Variants in CCSAP observed in about 807,000 individuals in gnomAD.
CCSAP encodes centriole, cilia and spindle-associated protein.
A neutral mutation model predicts 25.9 loss-of-function variants in CCSAP; 17 were observed. The ratio of observed to expected loss-of-function variants is 0.66; its 90% CI spans 0.45 to 0.99. The LOEUF (loss-of-function observed/expected upper bound fraction) is 0.99, where lower values mean the gene tolerates loss of function less well. CCSAP is among the 50% of genes least tolerant of loss of function. CCSAP has a pLI of 0.00. For synonymous variants in CCSAP, 169 were observed against 157.1 expected (o/e 1.08, Z -0.57); for missense variants, 339 against 367.8 (o/e 0.92, Z 0.64).
Position 229,342,581 on chromosome 1 carries a change from T to G in CCSAP, c.-48-68A>C, listed in dbSNP as rs1658366133. 1 of 661,268 alleles carries G rather than the reference T, an allele frequency of 1.5e-6. No homozygotes were observed. 41.0% of individuals were successfully genotyped at this position (661,268 alleles called of 1,614,324 possible). ...CGCCGGCCCTGCCCGCCGCGACGTTTAAACCCGGAGCCCCGCCCGGACGGG... is the reference window on the plus strand; with the variant it reads ...CGCCGGCCCTGCCCGCCGCGACGTTGAAACCCGGAGCCCCGCCCGGACGGG... On this transcript the variant is annotated intron_variant, in intron 1 of 3. Transcript: ENST00000284617. This position sits in a 1 kb window ranked among gnomAD's most constrained non-coding sequence, Gnocchi z 7.5.
intron 2 of CCSAP, among the ~76,000 whole-genome samples, chr1:229,339,215 T>C (rs1395714311): frequency 6.6e-6 from 1 of 150,978 alleles, no homozygotes; most frequent in Non-Finnish European, 1.5e-5. Context: ...CAGATCTAGA[T>C]CAAGGAAAAA....
Position 229,322,597 on chromosome 1 carries a change from G to A in CCSAP, c.*2638C>T, listed in dbSNP as rs1480529565. ...TGAATAAATGTGCTTAGAAATTTTA[G>A]GGGGGAGAACACACATAACATACAT... is the stretch of plus-strand genomic sequence containing the variant. On this transcript the variant is annotated 3_prime_UTR_variant, in exon 4 of 4. Coordinates refer to ENST00000284617, the MANE Select transcript of CCSAP (RefSeq NM_145257.5). The A allele has an allele frequency of 6.6e-6, 1 of 152,026 alleles. No individual in the cohort carries two copies. Among genetic ancestry groups the A allele is most frequent in the East Asian group, 1.9e-4 (1 of 5,196 alleles). 9.4% of individuals were successfully genotyped at this position (152,026 alleles called of 1,614,324 possible).
chr1:229,325,260 A>T lies in CCSAP; in HGVS notation c.788T>A (p.Met263Lys). 1 of 1,613,220 alleles carries T rather than the reference A, an allele frequency of 6.2e-7. No individual in the cohort carries two copies. Among genetic ancestry groups the T allele is most frequent in the Non-Finnish European group, 8.5e-7 (1 of 1,179,806 alleles). ...SSENPWMTEYMRCYSARA is the reference protein window; with the variant it reads ...SSENPWMTEYKRCYSARA ...TTAAGCTCTTGCCGAATAGCACCTCATGTATTCTGTCATCCACGGGTTCTC... is the reference window on the plus strand; with the variant it reads ...TTAAGCTCTTGCCGAATAGCACCTCTTGTATTCTGTCATCCACGGGTTCTC... Residue 263 changes from methionine to lysine, a missense_variant, in exon 4 of 4, where the codon ATG (methionine) becomes AAG (lysine). Met to Lys is a moderately conservative substitution (Grantham distance 95). Transcript: ENST00000284617.
Position 229,342,031 on chromosome 1 carries a change from G to T in CCSAP, c.367+68C>A. Reference sequence around the variant, plus strand: ...GAGTGGCGCAAGAAATAAGAGATCAGCTGCTCAGAGCTTAGAGCAAACCGT... The same window carrying T: ...GAGTGGCGCAAGAAATAAGAGATCATCTGCTCAGAGCTTAGAGCAAACCGT... On this transcript the variant is annotated intron_variant, in intron 2 of 3. Transcript: ENST00000284617. This position sits in a 1 kb window ranked among gnomAD's most constrained non-coding sequence, Gnocchi z 7.5. 7.9e-7 allele frequency: 1 copy of T among 1,271,828 alleles called. No individual in the cohort carries two copies. The highest frequency in any genetic ancestry group is 9.9e-7 in the Non-Finnish European group (1 of 1,008,918). 78.8% of individuals were successfully genotyped at this position (1,271,828 alleles called of 1,614,324 possible).
chr1:229,333,292 G>T (rs1402483416), intron 2 of CCSAP, among the ~76,000 whole-genome samples: 1 of 152,064 alleles, frequency 6.6e-6, no homozygotes, highest in Non-Finnish European at 1.5e-5. Context: ...AATTAGCCGG[G>T]CGTGGTGTCA....
At chr1:229,338,236 C>G (rs1411178383) in intron 2 of CCSAP, among the ~76,000 whole-genome samples, 3 of 151,970 alleles carry the variant, frequency 2.0e-5, no homozygotes, top group Non-Finnish European at 4.4e-5. Context: ...TGTTCACAAT[C>G]AAAAAGCCAA....
intron 2 of CCSAP, among the ~76,000 whole-genome samples, chr1:229,341,698 TG>T (rs1381569466): frequency 6.6e-6 from 1 of 152,210 alleles, no homozygotes; most frequent in African/African-American, 2.4e-5. Flanking sequence ...CTTAACCTTT[TG>T]GGTTACCTTT....
At chr1:229,327,439 G>A (rs1394933753) in intron 2 of CCSAP, 4 of 434,836 alleles carry the variant, frequency 9.2e-6, no homozygotes, top group Non-Finnish European at 1.9e-5. Flanking sequence ...TACTCCACCC[G>A]AAAATGCTCC....
chr1:229,338,503 C>A (rs1400941620), intron 2 of CCSAP, among the ~76,000 whole-genome samples: 2 of 151,212 alleles, frequency 1.3e-5, no homozygotes, highest in Non-Finnish European at 2.9e-5. Flanking sequence ...GGAAAAGAAT[C>A]TCACGGTTCA....
In CCSAP at chr1:229,325,299, T is replaced by G; in HGVS notation, c.749A>C (p.Lys250Thr). Residue 250 changes from lysine (K) to threonine (T), a missense_variant, in exon 4 of 4, where the codon AAG becomes ACG. Physicochemically the swap from Lys to Thr is moderately conservative, Grantham distance 78 (BLOSUM62 -1). Transcript: ENST00000284617. ...CCACGGGTTCTCTGAGGAGGAAGCC[T>G]TCATCTTTCTGTTCTTCTCCACATC... is the stretch of plus-strand genomic sequence containing the variant. ...SVDVEKNRKM[K>T]ASSSENPWMT... 1 of 1,614,186 alleles carries G rather than the reference T, an allele frequency of 6.2e-7. No individual in the cohort carries two copies. The highest frequency in any genetic ancestry group is 1.1e-5 in the South Asian group (1 of 91,078).
rs150533060 is a variant in CCSAP, at chr1:229,332,262, A to C, written c.368-5256T>G. On this transcript the variant is annotated intron_variant, in intron 2 of 3. Transcript: ENST00000284617. Reference sequence around the variant, plus strand: ...TGGGAACCCCAGTTTGAAGTTGGTCAGCCAGAAGTTCCCAAGGCCTCGACT... The same window carrying C: ...TGGGAACCCCAGTTTGAAGTTGGTCCGCCAGAAGTTCCCAAGGCCTCGACT... Among the ~76,000 whole-genome samples the C allele has an allele frequency of 6.0e-4, 92 of 152,296 alleles. 1 individual carries two copies. The highest frequency in any genetic ancestry group is 2.2e-3 in the African/African-American group (91 of 41,548).
Position 229,342,078 on chromosome 1 carries a change from G to A in CCSAP, c.367+21C>T. ...CCGTCCCTGCGTGCAGGCCCCTCGC[G>A]CTCCCCTCCGGGCCGGGTACCTGGC... On this transcript the variant is annotated intron_variant, in intron 2 of 3. Coordinates refer to ENST00000284617, the MANE Select transcript of CCSAP (RefSeq NM_145257.5). This position sits in a 1 kb window ranked among gnomAD's most constrained non-coding sequence, Gnocchi z 7.5. 7.6e-7 allele frequency: 1 copy of A among 1,318,662 alleles called. No homozygotes were observed. 81.7% of individuals were successfully genotyped at this position (1,318,662 alleles called of 1,614,324 possible).
chr1:229,326,745 AC>A lies in CCSAP; in HGVS notation c.628del (p.Val210CysfsTer40), dbSNP rs1657948716. On this transcript the variant is annotated frameshift_variant, in exon 3 of 4. Coordinates refer to ENST00000284617, the MANE Select transcript of CCSAP (RefSeq NM_145257.5). LOFTEE classifies it low-confidence loss of function (END_TRUNC). ...CAAGGGCCCAGAGCGCACCTCGTGC[AC>A]AGGAGCGGACGCACAGACGTTGTGA... ...KTHNVCASAP[V>X]HEIHESALRA... is the part of the protein sequence containing the mutation. 6.2e-7 allele frequency: 1 copy of A among 1,614,010 alleles called. No individual in the cohort carries two copies. Among genetic ancestry groups the A allele is most frequent in the Admixed American group, 1.7e-5 (1 of 60,000 alleles).
In CCSAP at chr1:229,339,489, T is replaced by C. The variant is rs4925450; in HGVS notation, c.367+2610A>G. Among the ~76,000 whole-genome samples the C allele has an allele frequency of 1.8e-3, 277 of 152,162 alleles. 7 individuals carry two copies. The highest frequency in any genetic ancestry group is 0.014 in the Admixed American group (208 of 15,278). ...AAGCTAACCTCTGAACCATCCTTTC[T>C]TGGGAATCTACTAGAAGATGTGCTC... On this transcript the variant is annotated intron_variant, in intron 2 of 3. Transcript: ENST00000284617.
At chr1:229,331,643 G>T (rs1431959183) in intron 2 of CCSAP, among the ~76,000 whole-genome samples, 1 of 151,960 alleles carries the variant, frequency 6.6e-6, no homozygotes, top group South Asian at 2.1e-4. Context: ...CTGCCACTAG[G>T]CAGGACTCTA....
At chr1:229,328,547 T>G (rs1657999272) in intron 2 of CCSAP, among the ~76,000 whole-genome samples, 1 of 152,146 alleles carries the variant, frequency 6.6e-6, no homozygotes, top group Non-Finnish European at 1.5e-5. Flanking sequence ...CCTCAAACAA[T>G]CCTCCTGCCT....
rs963258984 is a variant in CCSAP, at chr1:229,342,817, G to T, written c.-49+95C>A. 4 of 178,842 alleles carry T rather than the reference G, an allele frequency of 2.2e-5. No homozygotes were observed. The highest frequency in any genetic ancestry group is 4.6e-5 in the Non-Finnish European group (4 of 86,022). 11.1% of individuals were successfully genotyped at this position (178,842 alleles called of 1,614,324 possible). ...ACTGGGGCTGAGCGGGAGGAGGAGC[G>T]AGGGAGGGGAGCGGCGGGGCCCGTG... On this transcript the variant is annotated intron_variant, in intron 1 of 3. Transcript: ENST00000284617. This position sits in a 1 kb window ranked among gnomAD's most constrained non-coding sequence, Gnocchi z 7.5.
rs1396027911 is a variant in CCSAP at position 229,340,103 on chromosome 1, A to G, written c.367+1996T>C. On this transcript the variant is annotated intron_variant, in intron 2 of 3. Transcript: ENST00000284617. ...GAACTACGTGATTCTATGTGCATCT[A>G]TGGCTTCAGGGAAAGTAAAAAATTT... Among the ~76,000 whole-genome samples the G allele has an allele frequency of 2.0e-5, 3 of 152,322 alleles. No individual in the cohort carries two copies. In the South Asian group the frequency reaches 6.2e-4, roughly 32 times the overall value.
Position 229,342,457 on chromosome 1 carries a change from C to A in CCSAP, c.9G>T (p.Pro3=). MS[P]GSGVKSEYMK... Reference sequence around the variant, plus strand: ...TGTACTCGCTCTTCACCCCGCTCCCCGGGGACATGGTGCCGTCCGCCGCCT... The same window carrying A: ...TGTACTCGCTCTTCACCCCGCTCCCAGGGGACATGGTGCCGTCCGCCGCCT... Residue 3 remains proline (P), a synonymous_variant, in exon 2 of 4, where the codon CCG becomes CCT. Transcript: ENST00000284617. This position sits in a 1 kb window ranked among gnomAD's most constrained non-coding sequence, Gnocchi z 7.5. The A allele has an allele frequency of 7.3e-7, 1 of 1,367,010 alleles. No individual in the cohort carries two copies. 84.7% of individuals were successfully genotyped at this position (1,367,010 alleles called of 1,614,324 possible). A position where few individuals can be genotyped will look rare whatever the true frequency, so the allele number is the denominator to read the frequency against.
Sources: allele counts gnomAD v4.1 joint callset (sites outside exome capture counted in the v4.1 genomes callset), GRCh38; gene constraint gnomAD v4.1.1; non-coding constraint Gnocchi (gnomAD v3.1); transcripts MANE v1.5; gene names NCBI Gene and HGNC (gene_info 2026-07-23, HGNC 2026-07-21).